Variants in ARHGAP28 observed in about 807,000 individuals in gnomAD.
ARHGAP28 encodes Rho GTPase activating protein 28.
ARHGAP28 carries 56 observed loss-of-function variants against 90.7 expected under a neutral mutation model. The ratio of observed to expected loss-of-function variants is 0.62; its 90% CI spans 0.50 to 0.77. ARHGAP28 has a LOEUF of 0.77. ARHGAP28 is among the 30% of genes least tolerant of loss of function. ARHGAP28 has a pLI of 0.00. For synonymous variants in ARHGAP28, 308 were observed against 323.3 expected (o/e 0.95, Z 0.51); for missense variants, 869 against 900.9 (o/e 0.96, Z 0.45).
intron 1 of ARHGAP28, among the ~76,000 whole-genome samples, chr18:6,739,582 A>G (rs1175318798): frequency 6.6e-6 from 1 of 151,268 alleles, no homozygotes; most frequent in African/African-American, 2.4e-5. Context: ...ATTTAAGACT[A>G]TATTTAACAG....
At chr18:6,837,463 G>A (rs957826238) in intron 3 of ARHGAP28, 49 bp downstream of exon 3, 1 of 664,900 alleles carries the variant, frequency 1.5e-6, no homozygotes, top group South Asian at 1.4e-5. Flanking sequence ...TTTGACTGGG[G>A]ATGGGGTAGG....
At chr18:6,839,126 A>G (rs1362435432) in intron 3 of ARHGAP28, among the ~76,000 whole-genome samples, 1 of 151,934 alleles carries the variant, frequency 6.6e-6, no homozygotes, top group Non-Finnish European at 1.5e-5. Flanking sequence ...ATTGGGATAG[A>G]CTCCACAACA....
chr18:6,799,701 C>G (rs375120007), intron 1 of ARHGAP28, among the ~76,000 whole-genome samples: 1 of 152,072 alleles, frequency 6.6e-6, no homozygotes, highest in Non-Finnish European at 1.5e-5. Context: ...GAAACTGGAC[C>G]GCATCTTAAC....
intron 2 of ARHGAP28, among the ~76,000 whole-genome samples, chr18:6,825,246 G>T (rs2056653965): frequency 1.3e-5 from 2 of 152,060 alleles, no homozygotes; most frequent in South Asian, 2.1e-4. Context: ...CTGTCTATTG[G>T]TTTGATTCAT....
At chr18:6,898,692 A>C in intron 16 of ARHGAP28, 6 of 1,411,856 alleles carry the variant, frequency 4.2e-6, no homozygotes, top group Non-Finnish European at 5.6e-6. Flanking sequence ...TAGAAAGAAA[A>C]TGTTTCTAAT....
intron 1 of ARHGAP28, among the ~76,000 whole-genome samples, chr18:6,793,897 A>G (rs2143574212): frequency 6.6e-6 from 1 of 152,276 alleles, no homozygotes; most frequent in East Asian, 1.9e-4. Flanking sequence ...TAGATCATTC[A>G]TGAAATGGGT....
chr18:6,839,402 T>TC (rs34803814), intron 3 of ARHGAP28, among the ~76,000 whole-genome samples: 4 of 151,238 alleles, frequency 2.6e-5, no homozygotes, highest in Admixed American at 6.6e-5. Context: ...CACGCCATTC[T>TC]CCCCCCTCAG....
intron 16 of ARHGAP28, among the ~76,000 whole-genome samples, chr18:6,902,987 A>C (rs566430822): frequency 6.6e-6 from 1 of 152,232 alleles, no homozygotes; most frequent in African/African-American, 2.4e-5. Context: ...AGCCATAAAA[A>C]GGAAAGAAAT....
chr18:6,848,847 G>A (rs2056886601), intron 3 of ARHGAP28, among the ~76,000 whole-genome samples: 1 of 152,108 alleles, frequency 6.6e-6, no homozygotes, highest in African/African-American at 2.4e-5. Flanking sequence ...ATCACAGCAA[G>A]TCTCCTCTGT....
At chr18:6,817,342 A>C (rs548856743) in intron 1 of ARHGAP28, among the ~76,000 whole-genome samples, 90 of 151,220 alleles carry the variant, frequency 6.0e-4, no homozygotes, top group African/African-American at 2.0e-3. Context: ...CAAAAAAAAA[A>C]CAAAACAAAA....
Position 6,914,483 on chromosome 18 carries a change from T to G in ARHGAP28, c.*2329T>G, listed in dbSNP as rs1207028410. ...TTTTTAGTAGATACACAGACTAATA[T>G]TTGTGTGGAGGTTCTTTTGACCAAT... is the stretch of plus-strand genomic sequence containing the variant. On this transcript the variant is annotated 3_prime_UTR_variant, in exon 18 of 18. Coordinates refer to ENST00000383472, the MANE Select transcript of ARHGAP28 (RefSeq NM_001366230.1). 6.6e-6 allele frequency: 1 copy of G among 152,196 alleles called. No homozygotes were observed. The highest frequency in any genetic ancestry group is 1.9e-4 in the East Asian group (1 of 5,182). 9.4% of individuals were successfully genotyped at this position (152,196 alleles called of 1,614,324 possible).
chr18:6,859,777 A>G, intron 4 of ARHGAP28, 31 bp from the exon 5 acceptor site: 1 of 1,600,516 alleles, frequency 6.2e-7, no homozygotes, highest in Non-Finnish European at 8.6e-7. Context: ...ATTTGCCTGA[A>G]TAAGAATGGT....
At chr18:6,749,872 C>T (rs1450230667) in intron 1 of ARHGAP28, among the ~76,000 whole-genome samples, 1 of 152,100 alleles carries the variant, frequency 6.6e-6, no homozygotes, top group Non-Finnish European at 1.5e-5. Context: ...AGGTTATTCT[C>T]AAATAGTAAA....
chr18:6,788,873 G>C (rs569305128), intron 1 of ARHGAP28: 16 of 152,222 alleles, frequency 1.1e-4, no homozygotes, highest in African/African-American at 3.6e-4. Context: ...AATTCCTGTG[G>C]CCACCTCTGT....
At chr18:6,817,682 C>T (rs918712584) in intron 1 of ARHGAP28, among the ~76,000 whole-genome samples, 1 of 152,144 alleles carries the variant, frequency 6.6e-6, no homozygotes, top group Non-Finnish European at 1.5e-5. Context: ...TGGCTTTTCT[C>T]TCATAATGGG....
intron 2 of ARHGAP28, among the ~76,000 whole-genome samples, chr18:6,826,855 C>G (rs546283808): frequency 1.3e-5 from 2 of 152,072 alleles, no homozygotes; most frequent in East Asian, 1.9e-4. Flanking sequence ...TGTTTGTGTC[C>G]CTGGGTACTT....
At chr18:6,810,221 G>T (rs2056546933) in intron 1 of ARHGAP28, among the ~76,000 whole-genome samples, 1 of 152,068 alleles carries the variant, frequency 6.6e-6, no homozygotes, top group African/African-American at 2.4e-5. Flanking sequence ...GCTCAGAATT[G>T]CATCAGCCCA....
chr18:6,745,193 CTGCTTTTGAGTGTCCTCTGACA>C (rs2056012410), intron 1 of ARHGAP28, among the ~76,000 whole-genome samples: 1 of 152,056 alleles, frequency 6.6e-6, no homozygotes, highest in Non-Finnish European at 1.5e-5. Flanking sequence ...TCCTCATTTT[CTGCTTTTGAGTGTCCTCTGACA>C]TGCTAGGCCC....
intron 2 of ARHGAP28, among the ~76,000 whole-genome samples, chr18:6,826,669 C>A (rs1041482912): frequency 3.0e-5 from 4 of 131,236 alleles, no homozygotes; most frequent in South Asian, 2.6e-4. Context: ...TCCACTGGGG[C>A]AAAGGATTTT....
Sources: allele counts gnomAD v4.1 joint callset (sites outside exome capture counted in the v4.1 genomes callset), GRCh38; gene constraint gnomAD v4.1.1; transcripts MANE v1.5; gene names NCBI Gene and HGNC (gene_info 2026-07-23, HGNC 2026-07-21).